Variants in ZSWIM5 observed in about 807,000 individuals in gnomAD.
ZSWIM5 encodes zinc finger SWIM-type containing 5.
A neutral mutation model predicts 119.6 loss-of-function variants in ZSWIM5; 55 were observed. The observed-to-expected ratio is 0.46, with a 90% CI of 0.37 to 0.58. The LOEUF (loss-of-function observed/expected upper bound fraction) is 0.58. Among genes scored for constraint, ZSWIM5 ranks in the 20% least tolerant of loss-of-function variants. The pLI is 0.00. For synonymous variants in ZSWIM5, 537 were observed against 606.9 expected, an observed-to-expected ratio of 0.88 and a Z score of 1.69; for missense variants, 1,193 against 1,512.8, an observed-to-expected ratio of 0.79 and a Z score of 3.51.
chr1:45,145,206 C>T (rs1645752892), intron 1 of ZSWIM5, among the ~76,000 whole-genome samples: 2 of 152,114 alleles, frequency 1.3e-5, no homozygotes, highest in African/African-American at 4.8e-5. Context: ...TCATGCTTTG[C>T]TGGCGTGAAT....
At chr1:45,187,091 A>C (rs1570199323) in intron 1 of ZSWIM5, among the ~76,000 whole-genome samples, 1 of 152,056 alleles carries the variant, frequency 6.6e-6, no homozygotes, top group South Asian at 2.1e-4. Flanking sequence ...TTTTTTTGCA[A>C]AAAATAAACT....
intron 1 of ZSWIM5, among the ~76,000 whole-genome samples, chr1:45,128,989 A>G (rs1488298998): frequency 6.6e-6 from 1 of 152,220 alleles, no homozygotes; most frequent in African/African-American, 2.4e-5. Context: ...GCACCAAAAA[A>G]TATCTCATTG....
chr1:45,157,901 C>T (rs1317967709), intron 1 of ZSWIM5, among the ~76,000 whole-genome samples: 1 of 152,112 alleles, frequency 6.6e-6, no homozygotes, highest in Admixed American at 6.5e-5. Flanking sequence ...TTTTAATTTA[C>T]ATTTCCCTGA....
intron 1 of ZSWIM5, among the ~76,000 whole-genome samples, chr1:45,134,635 T>G (rs997012578): frequency 1.3e-5 from 2 of 152,214 alleles, no homozygotes; most frequent in Non-Finnish European, 2.9e-5. Context: ...ACAGTGCATA[T>G]GTAAACAGAA....
At chr1:45,094,040 T>C (rs1165675522) in intron 1 of ZSWIM5, among the ~76,000 whole-genome samples, 1 of 145,814 alleles carries the variant, frequency 6.9e-6, no homozygotes. Context: ...TTTATTTATT[T>C]ATTTATTTAT....
chr1:45,114,930 C>G (rs1274305721), intron 1 of ZSWIM5, among the ~76,000 whole-genome samples: 1 of 152,176 alleles, frequency 6.6e-6, no homozygotes, highest in Non-Finnish European at 1.5e-5. Flanking sequence ...TTAGTGGACA[C>G]AGCACATGTT....
chr1:45,187,200 A>G (rs541016790), intron 1 of ZSWIM5, among the ~76,000 whole-genome samples: 13 of 152,328 alleles, frequency 8.5e-5, no homozygotes, highest in African/African-American at 2.9e-4. Context: ...TGCAATTTCA[A>G]AACTTACTAG....
chr1:45,116,738 G>A (rs970570217), intron 1 of ZSWIM5, among the ~76,000 whole-genome samples: 1 of 152,050 alleles, frequency 6.6e-6, no homozygotes, highest in Non-Finnish European at 1.5e-5. Flanking sequence ...TACTGTCTAG[G>A]ACTTTTGTTT....
At chr1:45,176,213 C>T (rs990108131) in intron 1 of ZSWIM5, among the ~76,000 whole-genome samples, 1 of 151,136 alleles carries the variant, frequency 6.6e-6, no homozygotes, top group South Asian at 2.1e-4. Flanking sequence ...TCTCCAATTA[C>T]AATCCAAAAC....
chr1:45,193,648 G>C (rs1297268516), intron 1 of ZSWIM5, among the ~76,000 whole-genome samples: 2 of 152,210 alleles, frequency 1.3e-5, no homozygotes, highest in South Asian at 4.1e-4. Context: ...GCATAAGTCA[G>C]ACTACAAAAC....
In ZSWIM5 at chr1:45,206,247, C is replaced by G. The variant is rs765667969; in HGVS notation, c.104G>C (p.Gly35Ala). 4.4e-6 allele frequency: 7 copies of G among 1,585,056 alleles called. No homozygotes were observed. The highest frequency in any genetic ancestry group is 6.0e-6 in the Non-Finnish European group (7 of 1,167,112). ...WPSPQAHHPR[G>A]SPGAAGGGAG... The stretch of plus-strand genomic sequence containing the variant: ...CCCTCCGCCGGCTGCCCCAGGCGAA[C>G]CGCGAGGGTGATGAGCCTGCGGGCT... The change falls in exon 1 of 14, where the codon GGT (glycine) becomes GCT (alanine). Residue 35 changes from glycine (G) to alanine (A), a missense_variant. Gly to Ala is a moderately conservative substitution (Grantham distance 60). Transcript: ENST00000359600.
chr1:45,155,386 T>C (rs1645821037), intron 1 of ZSWIM5, among the ~76,000 whole-genome samples: 1 of 152,064 alleles, frequency 6.6e-6, no homozygotes, highest in African/African-American at 2.4e-5. Context: ...AAAATAGATG[T>C]TGGCATCAAT....
At chr1:45,109,852 C>T (rs1359246702) in intron 1 of ZSWIM5, among the ~76,000 whole-genome samples, 3 of 151,880 alleles carry the variant, frequency 2.0e-5, no homozygotes, top group Admixed American at 6.5e-5. Context: ...TGAATTCTCA[C>T]GCTCTATGTA....
intron 1 of ZSWIM5, among the ~76,000 whole-genome samples, chr1:45,113,395 G>A: frequency 6.6e-6 from 1 of 152,090 alleles, no homozygotes; most frequent in East Asian, 1.9e-4. Context: ...TTAGAGACAG[G>A]GTCTTGCTGT....
At chr1:45,122,337 T>C (rs1645597887) in intron 1 of ZSWIM5, among the ~76,000 whole-genome samples, 1 of 152,210 alleles carries the variant, frequency 6.6e-6, no homozygotes, top group African/African-American at 2.4e-5. Flanking sequence ...TAAACAAATG[T>C]ATGCAAAACA....
At chr1:45,028,418 T>G (rs912759328) in intron 11 of ZSWIM5, among the ~76,000 whole-genome samples, 1 of 152,182 alleles carries the variant, frequency 6.6e-6, no homozygotes, top group South Asian at 2.1e-4. Context: ...AGACAACATA[T>G]AGTTGAGTTT....
intron 1 of ZSWIM5, among the ~76,000 whole-genome samples, chr1:45,113,666 T>C (rs1009168980): frequency 6.6e-6 from 1 of 152,170 alleles, no homozygotes; most frequent in Non-Finnish European, 1.5e-5. Context: ...AAAATGATGG[T>C]AAGAATTAAG....
intron 1 of ZSWIM5, among the ~76,000 whole-genome samples, chr1:45,174,632 C>T (rs1490300432): frequency 1.3e-5 from 2 of 151,468 alleles, no homozygotes; most frequent in Non-Finnish European, 2.9e-5. Flanking sequence ...CTCTCCTACT[C>T]GGGGAGCTGG....
chr1:45,173,610 T>A (rs1205156788), intron 1 of ZSWIM5, among the ~76,000 whole-genome samples: 1 of 152,094 alleles, frequency 6.6e-6, no homozygotes. Flanking sequence ...CTGCCCCACA[T>A]AACTATATAA....
Sources: gnomAD v4.1 joint callset for allele counts (sites outside exome capture counted in the v4.1 genomes callset) on GRCh38, gnomAD v4.1.1 for gene constraint, MANE v1.5 for transcripts, NCBI Gene and HGNC (gene_info 2026-07-23, HGNC 2026-07-21) for gene names.